The following CDK5RAP2 variants were observed in gnomAD, a reference collection of about 807,000 sequenced individuals.
CDK5RAP2 encodes CDK5 regulatory subunit-associated protein 2.
In CDK5RAP2, 147 loss-of-function variants were observed where a neutral mutation model predicts 232.9. The ratio of observed to expected loss-of-function variants is 0.63; its 90% confidence interval spans 0.55 to 0.72. CDK5RAP2 has a LOEUF of 0.72. Ranked by LOEUF, CDK5RAP2 falls within the 30% of genes least tolerant of loss-of-function variation. The pLI is 0.00. For missense variants in CDK5RAP2, 2,195 were observed against 2,231.5 expected, an observed-to-expected ratio of 0.98 and a Z score of 0.33; for synonymous variants, 833 against 833.7, an observed-to-expected ratio of 1.00 and a Z score of 0.01.
In CDK5RAP2 at chr9:120,407,251, G is replaced by A. The variant is rs770101626; in HGVS notation, c.4727-3C>T. On this transcript the variant is annotated splice_region_variant and splice_polypyrimidine_tract_variant and intron_variant, in intron 31 of 37. Coordinates refer to ENST00000349780, the MANE Select transcript of CDK5RAP2 (RefSeq NM_018249.6). ...CTTCCAGCCTTCTCCCGACGCCTCT[G>A]AGGACATGTGCAAAGAGAAGCCCTG... 3.1e-6 allele frequency: 5 copies of A among 1,605,832 alleles called. No homozygotes were observed. The South Asian group carries it at 3.3e-5, about 11-fold the overall frequency.
intron 3 of CDK5RAP2, among the ~76,000 whole-genome samples, chr9:120,555,713 T>A (rs919083626): frequency 2.0e-5 from 3 of 152,224 alleles, no homozygotes. Flanking sequence ...GTATTTATCC[T>A]AGAGACATGA....
At chr9:120,418,149 C>T (rs548773482) in intron 27 of CDK5RAP2, among the ~76,000 whole-genome samples, 1 of 152,170 alleles carries the variant, frequency 6.6e-6, no homozygotes, top group African/African-American at 2.4e-5. Context: ...AGGCTGAAGA[C>T]ACACCAAAAA....
At chr9:120,558,370 T>TAAA (rs2042320373) in intron 3 of CDK5RAP2, among the ~76,000 whole-genome samples, 1 of 450 alleles carries the variant, frequency 2.2e-3, no homozygotes, top group Non-Finnish European at 0.031. Context: ...AGACTCCGTC[T>TAAA]CAAAAAAAAA....
intron 18 of CDK5RAP2, among the ~76,000 whole-genome samples, chr9:120,461,266 G>T (rs923678903): frequency 6.6e-6 from 1 of 152,220 alleles, no homozygotes; most frequent in Non-Finnish European, 1.5e-5. Context: ...CTTGCGTGAC[G>T]ATAACTTTAT....
rs1175365024 is a variant in CDK5RAP2, at chr9:120,404,841, T to C, written c.4964-728A>G. Among the ~76,000 whole-genome samples the C allele has an allele frequency of 3.9e-5, 6 of 152,366 alleles. No homozygotes were observed. The East Asian group carries it at 1.2e-3, about 29-fold the overall frequency. On this transcript the variant is annotated intron_variant, in intron 32 of 37. Transcript: ENST00000349780. The stretch of plus-strand genomic sequence containing the variant: ...GTAAGGAGGCAAAACCAATAGATGC[T>C]GTACAGATGACCTGTGCAACACGTT...
At chr9:120,490,269 AC>A (rs984842348) in intron 13 of CDK5RAP2, among the ~76,000 whole-genome samples, 1 of 151,844 alleles carries the variant, frequency 6.6e-6, no homozygotes, top group Admixed American at 6.6e-5. Context: ...TTGCTGGAGG[AC>A]CCCCAATTGT....
intron 32 of CDK5RAP2, among the ~76,000 whole-genome samples, chr9:120,405,075 G>A (rs886517886): frequency 3.9e-5 from 6 of 152,266 alleles, no homozygotes; most frequent in East Asian, 1.9e-4. Flanking sequence ...ACCACTGGGC[G>A]GTGGGCTGAC....
chr9:120,481,517 C>CTTT (rs1317098813), intron 14 of CDK5RAP2, among the ~76,000 whole-genome samples: 3 of 111,106 alleles, frequency 2.7e-5, no homozygotes, highest in Non-Finnish European at 3.8e-5. Context: ...TTTTTTTTTT[C>CTTT]TTTTTTTTTT....
At chr9:120,445,534 A>G (rs796623046) in intron 22 of CDK5RAP2, among the ~76,000 whole-genome samples, 4 of 152,302 alleles carry the variant, frequency 2.6e-5, no homozygotes, top group African/African-American at 9.6e-5. Context: ...CTCCACGGAA[A>G]CAGCTCCCTT....
intron 25 of CDK5RAP2, among the ~76,000 whole-genome samples, chr9:120,429,632 A>G (rs2035149490): frequency 2.0e-5 from 3 of 152,196 alleles, no homozygotes; most frequent in South Asian, 2.1e-4. Context: ...ATGGAAGAAC[A>G]TTCCATGCTC....
intron 16 of CDK5RAP2, among the ~76,000 whole-genome samples, chr9:120,470,732 G>C (rs1465964785): frequency 4.0e-5 from 6 of 148,492 alleles, no homozygotes; most frequent in African/African-American, 1.2e-4. Flanking sequence ...TAAGCTAGAA[G>C]AATCTCTGGT....
chr9:120,505,411 TCCCTATG>T (rs1364270403), intron 12 of CDK5RAP2, among the ~76,000 whole-genome samples: 2 of 152,100 alleles, frequency 1.3e-5, no homozygotes, highest in East Asian at 3.9e-4. Flanking sequence ...TCCTCATGCC[TCCCTATG>T]CCCTATGATA....
chr9:120,470,243 A>C lies in CDK5RAP2; in HGVS notation c.1859-23T>G, dbSNP rs751631771. 5 of 1,165,354 alleles carry C rather than the reference A, an allele frequency of 4.3e-6. No homozygotes were observed. In the Admixed American group the frequency reaches 1.1e-4, roughly 26 times the overall value. 72.2% of individuals were successfully genotyped at this position (1,165,354 alleles called of 1,614,324 possible). A position where few individuals can be genotyped will look rare whatever the true frequency, so the allele number is the denominator to read the frequency against. On this transcript the variant is annotated intron_variant, in intron 16 of 37. Coordinates refer to ENST00000349780, the MANE Select transcript of CDK5RAP2 (RefSeq NM_018249.6). ...CTTCTGCCCAAAAAAGAAAAAAAAA[A>C]GGTGGGGAGGGGGAGGAGAAAAAGA...
chr9:120,546,781 G>A (rs1330764076), intron 4 of CDK5RAP2, among the ~76,000 whole-genome samples: 1 of 152,002 alleles, frequency 6.6e-6, no homozygotes, highest in Non-Finnish European at 1.5e-5. Context: ...CTATAGGCGT[G>A]CACTGCCACA....
chr9:120,494,331 A>G (rs1799189332), intron 12 of CDK5RAP2, among the ~76,000 whole-genome samples: 2 of 152,196 alleles, frequency 1.3e-5, no homozygotes. Context: ...ATCATTTTCC[A>G]ATAAAAGAAA....
intron 15 of CDK5RAP2, among the ~76,000 whole-genome samples, chr9:120,473,997 G>C (rs1052610357): frequency 1.3e-5 from 2 of 152,162 alleles, no homozygotes; most frequent in African/African-American, 2.4e-5. Context: ...CCTGGAACTG[G>C]GGCAGGGCAG....
chr9:120,512,561 G>T (rs2040144774), intron 12 of CDK5RAP2, among the ~76,000 whole-genome samples: 1 of 152,200 alleles, frequency 6.6e-6, no homozygotes, highest in East Asian at 1.9e-4. Flanking sequence ...TCTTGAGAAT[G>T]TATTATTCTG....
At chr9:120,443,009 A>T (rs1021911920) in intron 23 of CDK5RAP2, among the ~76,000 whole-genome samples, 2 of 152,180 alleles carry the variant, frequency 1.3e-5, no homozygotes, top group African/African-American at 2.4e-5. Flanking sequence ...GCATTTGTTC[A>T]TTCTGGTTGA....
intron 14 of CDK5RAP2, among the ~76,000 whole-genome samples, chr9:120,482,950 G>A (rs1017121114): frequency 6.6e-6 from 1 of 152,170 alleles, no homozygotes; most frequent in Non-Finnish European, 1.5e-5. Flanking sequence ...TTAGAATGAA[G>A]TCATTTGGCT....
Sources: allele counts gnomAD v4.1 joint callset (sites outside exome capture counted in the v4.1 genomes callset), GRCh38; gene constraint gnomAD v4.1.1; transcripts MANE v1.5; gene names NCBI Gene and HGNC (gene_info 2026-07-23, HGNC 2026-07-21).